BCKDHB: variants seen among roughly 807,000 people sequenced by gnomAD.
The protein encoded by BCKDHB is 2-oxoisovalerate dehydrogenase subunit beta, mitochondrial.
Under a neutral mutation model 48.5 loss-of-function variants are expected in BCKDHB, and 41 were observed. The ratio of observed to expected loss-of-function variants is 0.85; its 90% confidence interval spans 0.66 to 1.10. The LOEUF (loss-of-function observed/expected upper bound fraction) is 1.10, where lower values mean the gene tolerates loss of function less well. Ranked by LOEUF, BCKDHB falls within the 50% of genes least tolerant of loss-of-function variation. BCKDHB has a pLI of 0.00. For synonymous variants in BCKDHB, 201 were observed against 174.8 expected, an observed-to-expected ratio of 1.15 and a Z score of -1.18; for missense variants, 496 against 494.2, an observed-to-expected ratio of 1.00 and a Z score of -0.03.
At chr6:80,166,802 A>G (rs534668780) in intron 3 of BCKDHB, among the ~76,000 whole-genome samples, 2 of 152,254 alleles carry the variant, frequency 1.3e-5, no homozygotes, top group African/African-American at 2.4e-5. Context: ...TATATGGTCA[A>G]TTGATGTCAG....
chr6:80,110,495 CT>C (rs1336194807), intron 1 of BCKDHB, among the ~76,000 whole-genome samples: 1 of 152,204 alleles, frequency 6.6e-6, no homozygotes, highest in East Asian at 1.9e-4. Flanking sequence ...AGATTCCTCT[CT>C]AAGGCCCAGG....
intron 3 of BCKDHB, among the ~76,000 whole-genome samples, chr6:80,141,863 A>G (rs1016243490): frequency 6.6e-6 from 1 of 152,108 alleles, no homozygotes; most frequent in Non-Finnish European, 1.5e-5. Context: ...TCCACGTAAT[A>G]TGAAAGATGT....
chr6:80,428,499 G>A, the BCKDHB span, among the ~76,000 whole-genome samples: 1 of 152,178 alleles, frequency 6.6e-6, no homozygotes, highest in Non-Finnish European at 1.5e-5. Flanking sequence ...CAGTGTGAAA[G>A]TGTTCCTATT....
chr6:80,432,319 A>G, the BCKDHB span, among the ~76,000 whole-genome samples: 11 of 152,220 alleles, frequency 7.2e-5, no homozygotes, highest in Non-Finnish European at 1.5e-4. Flanking sequence ...AGGTACACCA[A>G]CCAAATGTAG....
chr6:80,379,035 C>G, the BCKDHB span, among the ~76,000 whole-genome samples: 2 of 152,070 alleles, frequency 1.3e-5, no homozygotes, highest in Non-Finnish European at 2.9e-5. Context: ...TACTACCAAT[C>G]TTGCTGAAAC....
chr6:80,454,186 G>A, the BCKDHB span: 2 of 152,198 alleles, frequency 1.3e-5, no homozygotes, highest in Admixed American at 1.3e-4. Context: ...GGAAAGACCA[G>A]TTCTGCAAGC....
chr6:80,311,853 G>A (rs571804903), intron 9 of BCKDHB, among the ~76,000 whole-genome samples: 1 of 152,324 alleles, frequency 6.6e-6, no homozygotes, highest in Non-Finnish European at 1.5e-5. Context: ...TTGAAGTCGA[G>A]TAACATTGAT....
chr6:80,205,872 C>T (rs1232679838), intron 8 of BCKDHB, among the ~76,000 whole-genome samples: 1 of 147,818 alleles, frequency 6.8e-6, no homozygotes, highest in Non-Finnish European at 1.5e-5. Flanking sequence ...TGTGTGAGTT[C>T]AAAGCCCTGA....
chr6:80,459,479 T>G, the BCKDHB span, among the ~76,000 whole-genome samples: 1 of 152,030 alleles, frequency 6.6e-6, no homozygotes, highest in Non-Finnish European at 1.5e-5. Flanking sequence ...GGACTGGTGG[T>G]GGAGGTAAAT....
At chr6:80,286,686 T>C (rs1226940034) in intron 9 of BCKDHB, among the ~76,000 whole-genome samples, 2 of 152,182 alleles carry the variant, frequency 1.3e-5, no homozygotes, top group South Asian at 4.1e-4. Flanking sequence ...TACTGGTTCA[T>C]TGAAAGTTTT....
chr6:80,154,223 G>A (rs1771928384), intron 3 of BCKDHB, among the ~76,000 whole-genome samples: 1 of 152,156 alleles, frequency 6.6e-6, no homozygotes, highest in Non-Finnish European at 1.5e-5. Flanking sequence ...AGTTGCGTGA[G>A]GACAGATGGT....
chr6:80,420,627 G>C, the BCKDHB span, among the ~76,000 whole-genome samples: 1 of 152,218 alleles, frequency 6.6e-6, no homozygotes, highest in South Asian at 2.1e-4. Flanking sequence ...TGTCTACAGA[G>C]GAATGCCACA....
intron 2 of BCKDHB, 132 bp from the exon 3 acceptor site, chr6:80,129,029 A>G (rs1770488018): frequency 7.0e-6 from 5 of 713,844 alleles, no homozygotes; most frequent in Non-Finnish European, 9.2e-6. Flanking sequence ...AAGTTGAGAA[A>G]CCTTGATCGA....
chr6:80,455,906 T>C, the BCKDHB span, among the ~76,000 whole-genome samples: 1 of 152,148 alleles, frequency 6.6e-6, no homozygotes, highest in African/African-American at 2.4e-5. Context: ...CAGGGGCAGC[T>C]GGGACTCAGT....
chr6:80,286,520 A>C (rs1766634256), intron 9 of BCKDHB, among the ~76,000 whole-genome samples: 1 of 152,224 alleles, frequency 6.6e-6, no homozygotes, highest in African/African-American at 2.4e-5. Flanking sequence ...CTTTAGAACC[A>C]GAGGCTTGGC....
intron 3 of BCKDHB, chr6:80,135,758 C>T (rs1387365703): frequency 6.6e-6 from 1 of 152,010 alleles, no homozygotes; most frequent in Non-Finnish European, 1.5e-5. Context: ...CAATTATTAC[C>T]ACCATCCATC....
At chr6:80,199,957 C>G (rs1214681265) in intron 6 of BCKDHB, among the ~76,000 whole-genome samples, 1 of 147,584 alleles carries the variant, frequency 6.8e-6, no homozygotes, top group African/African-American at 2.5e-5. Context: ...CCTGTAATCC[C>G]AGCTACTTGG....
intron 8 of BCKDHB, among the ~76,000 whole-genome samples, chr6:80,264,370 C>T (rs1281617733): frequency 6.6e-6 from 1 of 152,074 alleles, no homozygotes; most frequent in Non-Finnish European, 1.5e-5. Flanking sequence ...AAGTGATTTC[C>T]TGGTTTGTAC....
At chr6:80,179,899 G>A (rs1337330406) in intron 6 of BCKDHB, among the ~76,000 whole-genome samples, 1 of 152,104 alleles carries the variant, frequency 6.6e-6, no homozygotes, top group Non-Finnish European at 1.5e-5. Context: ...TCCTGCATTT[G>A]GGCAAGAAGA....
Sources: gnomAD v4.1 joint callset for allele counts (sites outside exome capture counted in the v4.1 genomes callset) on GRCh38, gnomAD v4.1.1 for gene constraint, MANE v1.5 for transcripts, NCBI Gene and HGNC (gene_info 2026-07-23, HGNC 2026-07-21) for gene names.